The following IBA57 variants were observed in gnomAD, a reference collection of about 807,000 sequenced individuals.
IBA57 encodes iron-sulfur cluster assembly factor IBA57, mitochondrial.
Under a neutral mutation model 20.4 loss-of-function variants are expected in IBA57, and 20 were observed. The ratio of observed to expected loss-of-function variants is 0.98; its 90% confidence interval spans 0.69 to 1.42. IBA57 has a LOEUF of 1.42. Ranked by LOEUF, IBA57 falls within the 40% of genes most tolerant of loss-of-function variation. IBA57 has a pLI of 0.00. For synonymous variants in IBA57, 310 were observed against 233.9 expected (o/e 1.33, Z -2.97); for missense variants, 608 against 499.3 (o/e 1.22, Z -2.07).
At position 228,175,781 on chromosome 1, in the gene IBA57, C is replaced by T. The variant is rs1380588628; in HGVS notation, c.*268C>T. 5.2e-6 allele frequency: 2 copies of T among 382,888 alleles called. No homozygotes were observed. Among genetic ancestry groups the T allele is most frequent in the Admixed American group, 4.2e-5 (1 of 23,542 alleles). The allele number at this position is 382,888 out of a possible 1,614,324, so 23.7% of individuals were successfully genotyped here. A position where few individuals can be genotyped will look rare whatever the true frequency, so the allele number is the denominator to read the frequency against. On this transcript the variant is annotated 3_prime_UTR_variant, in exon 3 of 3. Transcript: ENST00000366711. ...CTGGGCTCCAGATGGCGCCGGGTCC[C>T]AATCGTGGCTCCACACAGGGTTGTC...
intron 1 of IBA57, among the ~76,000 whole-genome samples, chr1:228,168,508 C>A (rs1018799618): frequency 6.6e-6 from 1 of 152,094 alleles, no homozygotes; most frequent in Non-Finnish European, 1.5e-5. Flanking sequence ...TCCTCTTCAT[C>A]CTTTCTTGCC....
intron 1 of IBA57, 24 bp from the exon 2 acceptor site, chr1:228,174,668 G>T (rs750689232): frequency 7.3e-6 from 11 of 1,502,842 alleles, no homozygotes; most frequent in Non-Finnish European, 9.8e-6. Context: ...GAGCTGCCAT[G>T]CGCCCCTGCC....
rs1287946008 is a variant in IBA57 at position 228,175,123 on chromosome 1, C to T, written c.681C>T (p.Gly227=). 13 of 1,610,754 alleles carry T rather than the reference C, an allele frequency of 8.1e-6. No homozygotes were observed. The highest frequency in any genetic ancestry group is 2.7e-5 in the African/African-American group (2 of 74,994). ...WDYHQHRYLQ[G]VPEGVRDLPP... ...GTTTCCCCCCTCCAATCCCTGCAGG[C>T]GTTCCTGAGGGGGTCCGAGACTTGC... Residue 227 remains glycine (G), a splice_region_variant and synonymous_variant, in exon 3 of 3, where the codon GGC becomes GGT. Transcript: ENST00000366711.
chr1:228,179,849 GA>G lies in IBA57; in HGVS notation c.*4340del, dbSNP rs910294330. Reference sequence around the variant, plus strand: ...GTGATAGCCTAGAATTGTGTACCCAGAAAATCCGTCTTTCAAGAATGAGGGG... The same window carrying G: ...GTGATAGCCTAGAATTGTGTACCCAGAAATCCGTCTTTCAAGAATGAGGGG... On this transcript the variant is annotated 3_prime_UTR_variant, in exon 3 of 3. Transcript: ENST00000366711. 2 of 152,130 alleles carry G rather than the reference GA, an allele frequency of 1.3e-5. No individual in the cohort carries two copies. The highest frequency in any genetic ancestry group is 2.4e-5 in the African/African-American group (1 of 41,406). 9.4% of individuals were successfully genotyped at this position (152,130 alleles called of 1,614,324 possible).
Position 228,175,275 on chromosome 1 carries a change from G to C in IBA57, c.833G>C (p.Arg278Pro). Residue 278 changes from arginine (R) to proline (P), a missense_variant, in exon 3 of 3, where the codon CGC becomes CCC. Transcript: ENST00000366711. ...CACCACATGGGCGTCATCCGCAAGC[G>C]CCTCTTCCCTGTCCGGTTCTTGGAC... ...RTHHMGVIRK[R>P]LFPVRFLDPL... The C allele has an allele frequency of 6.2e-7, 1 of 1,612,832 alleles. No individual in the cohort carries two copies. The highest frequency in any genetic ancestry group is 8.5e-7 in the Non-Finnish European group (1 of 1,179,968).
In IBA57 at chr1:228,165,838, C is replaced by A; in HGVS notation, c.22C>A (p.Arg8=). The A allele has an allele frequency of 1.5e-6, 2 of 1,306,460 alleles. No individual in the cohort carries two copies. The highest frequency in any genetic ancestry group is 1.9e-6 in the Non-Finnish European group (2 of 1,033,362). The allele number at this position is 1,306,460 out of a possible 1,614,324, so 80.9% of individuals were successfully genotyped here. A position where few individuals can be genotyped will look rare whatever the true frequency, so the allele number is the denominator to read the frequency against. Residue 8 remains arginine (R), a synonymous_variant, in exon 1 of 3, where the codon CGA becomes AGA. Coordinates refer to ENST00000366711, the MANE Select transcript of IBA57 (RefSeq NM_001010867.4). MATAALL[R]GATPGRGGPV... ...CAAGATGGCGACCGCGGCGCTGCTT[C>A]GAGGCGCCACTCCGGGGCGCGGCGG... is the stretch of plus-strand genomic sequence containing the variant.
chr1:228,174,897 G>A lies in IBA57; in HGVS notation c.547G>A (p.Ala183Thr), dbSNP rs1292721293. The stretch of plus-strand genomic sequence containing the variant: ...GCTGCAGGAGAGGGCAGGGGCTGCC[G>A]CCATCCTCATCCGCGACCCGCGAAC... ...ASLQERAGAA[A>T]ILIRDPRTAR... Residue 183 changes from alanine to threonine, a missense_variant, in exon 2 of 3, where the codon GCC becomes ACC. Ala to Thr is a moderately conservative substitution (Grantham distance 58). Transcript: ENST00000366711. The A allele has an allele frequency of 6.9e-6, 11 of 1,603,610 alleles. No homozygotes were observed. Among genetic ancestry groups the A allele is most frequent in the Non-Finnish European group, 9.4e-6 (11 of 1,175,218 alleles).
chr1:228,167,056 A>AT (rs1329987810), intron 1 of IBA57, among the ~76,000 whole-genome samples: 1 of 152,220 alleles, frequency 6.6e-6, no homozygotes, highest in African/African-American at 2.4e-5. Context: ...CAATGTTCAC[A>AT]TCACAACTTT....
intron 1 of IBA57, among the ~76,000 whole-genome samples, chr1:228,166,719 C>T (rs1377158777): frequency 6.6e-6 from 1 of 152,244 alleles, no homozygotes; most frequent in Admixed American, 6.5e-5. Context: ...GACATCACGA[C>T]TGTCAGTGAT....
At chr1:228,166,253 A>T in intron 1 of IBA57, 96 bp downstream of exon 1, 26 of 125,490 alleles carry the variant, frequency 2.1e-4, no homozygotes, top group East Asian at 6.9e-4. Flanking sequence ...GGGCCTGCAG[A>T]GGGCGTGGGG....
At position 228,180,455 on chromosome 1, in the gene IBA57, G is replaced by C. The variant is rs2035091544; in HGVS notation, c.*4942G>C. 1 of 152,196 alleles carries C rather than the reference G, an allele frequency of 6.6e-6. No individual in the cohort carries two copies. The highest frequency in any genetic ancestry group is 2.1e-4 in the South Asian group (1 of 4,832). The allele number at this position is 152,196 out of a possible 1,614,324, so 9.4% of individuals were successfully genotyped here. On this transcript the variant is annotated 3_prime_UTR_variant, in exon 3 of 3. Transcript: ENST00000366711. ...TGGGAGAGAGGTGCCCAAACCTACA[G>C]TGTTCTAAAGTCCCCCTACTGGTCG...
Position 228,181,064 on chromosome 1 carries a change from G to C in IBA57, c.*5551G>C, listed in dbSNP as rs1246847385. On this transcript the variant is annotated 3_prime_UTR_variant, in exon 3 of 3. Coordinates refer to ENST00000366711, the MANE Select transcript of IBA57 (RefSeq NM_001010867.4). ...TTGAAATTGAATTGCCATTCTAACAGTGTTAAGAGATGGGGCCTGTAAGAG... is the reference window on the plus strand; with the variant it reads ...TTGAAATTGAATTGCCATTCTAACACTGTTAAGAGATGGGGCCTGTAAGAG... 1 of 152,168 alleles carries C rather than the reference G, an allele frequency of 6.6e-6. No individual in the cohort carries two copies. The highest frequency in any genetic ancestry group is 2.4e-5 in the African/African-American group (1 of 41,414). 9.4% of individuals were successfully genotyped at this position (152,168 alleles called of 1,614,324 possible).
Position 228,170,121 on chromosome 1 carries a change from G to A in IBA57, c.341+3964G>A, listed in dbSNP as rs1024768644. Among the ~76,000 whole-genome samples, 12 of 152,136 alleles carry A rather than the reference G, an allele frequency of 7.9e-5. No homozygotes were observed. Among genetic ancestry groups the A allele is most frequent in the Middle Eastern group, 3.4e-3 (1 of 294 alleles). On this transcript the variant is annotated intron_variant, in intron 1 of 2. Transcript: ENST00000366711. The surrounding 1 kb of genome is among the most constrained non-coding windows in gnomAD (Gnocchi z 4.8). ...ACTGACCTCATGATCCGCCCGCCTC[G>A]GCCTCCCAAAGTGCTGGGATTACAG... is the stretch of plus-strand genomic sequence containing the variant.
chr1:228,169,494 TC>T (rs1175434145), intron 1 of IBA57, among the ~76,000 whole-genome samples: 4 of 152,020 alleles, frequency 2.6e-5, no homozygotes, highest in African/African-American at 4.8e-5. Flanking sequence ...CCTCACAACT[TC>T]CCCCACCAGA....
chr1:228,169,111 G>A (rs941843743), intron 1 of IBA57, among the ~76,000 whole-genome samples: 2 of 152,042 alleles, frequency 1.3e-5, no homozygotes, highest in Admixed American at 1.3e-4. Flanking sequence ...TTGTCGGGCT[G>A]CTGTTGGCTG....
chr1:228,168,489 A>G (rs2034882043), intron 1 of IBA57, among the ~76,000 whole-genome samples: 1 of 151,998 alleles, frequency 6.6e-6, no homozygotes, highest in African/African-American at 2.4e-5. Flanking sequence ...TCTGTGTCTC[A>G]GGGCTTTTTC....
intron 1 of IBA57, 130 bp downstream of exon 1, chr1:228,166,287 G>A: frequency 3.9e-6 from 1 of 254,558 alleles, no homozygotes; most frequent in Non-Finnish European, 7.6e-6. Context: ...GGAGGGCCGG[G>A]ATGGGGTGGA....
At chr1:228,172,507 C>T (rs906944394) in intron 1 of IBA57, 3 of 152,306 alleles carry the variant, frequency 2.0e-5, no homozygotes, top group Non-Finnish European at 4.4e-5. Context: ...TGTCCATCTC[C>T]AGCTCCCTGT....
At chr1:228,169,145 CCCCCTCTGGTCA>C (rs1172792515) in intron 1 of IBA57, among the ~76,000 whole-genome samples, 1 of 152,110 alleles carries the variant, frequency 6.6e-6, no homozygotes, top group African/African-American at 2.4e-5. Flanking sequence ...CTGTGGTTTG[CCCCCTCTGGTCA>C]CTCCTCTGGG....
Sources: gnomAD v4.1 joint callset for allele counts (sites outside exome capture counted in the v4.1 genomes callset) on GRCh38, gnomAD v4.1.1 for gene constraint, Gnocchi (gnomAD v3.1) non-coding constraint, MANE v1.5 for transcripts, NCBI Gene and HGNC (gene_info 2026-07-23, HGNC 2026-07-21) for gene names.